Variants in TRERF1 observed in about 807,000 individuals in gnomAD.
The protein encoded by TRERF1 is transcriptional regulating factor 1.
TRERF1 carries 27 observed loss-of-function variants against 122.9 expected under a neutral mutation model. That is an observed-to-expected ratio of 0.22 (90% CI 0.16 to 0.30). TRERF1 has a LOEUF of 0.30. Among genes scored for constraint, TRERF1 ranks in the 10% least tolerant of loss-of-function variants. The probability of loss-of-function intolerance (pLI) is 1.00; values close to 1 mark genes in which losing one functional copy is unlikely to be tolerated. For synonymous variants in TRERF1, 636 were observed against 641.7 expected, an observed-to-expected ratio of 0.99 and a Z score of 0.13; for missense variants, 1,248 against 1,560.3, an observed-to-expected ratio of 0.80 and a Z score of 3.37.
chr6:42,293,650 C>T (rs1361409631), intron 4 of TRERF1, among the ~76,000 whole-genome samples: 3 of 152,044 alleles, frequency 2.0e-5, no homozygotes, highest in Non-Finnish European at 1.5e-5. Context: ...GTTCCGTGAA[C>T]ACAGATTATC....
At chr6:42,289,921 G>GT (rs1784010489) in intron 4 of TRERF1, among the ~76,000 whole-genome samples, 1 of 152,148 alleles carries the variant, frequency 6.6e-6, no homozygotes, top group Non-Finnish European at 1.5e-5. Context: ...ACTTATGGGG[G>GT]TACAGGAGGA....
chr6:42,266,766 T>C (rs934163133), intron 5 of TRERF1, among the ~76,000 whole-genome samples: 2 of 152,196 alleles, frequency 1.3e-5, no homozygotes, highest in Non-Finnish European at 2.9e-5. Flanking sequence ...TCAAATATTT[T>C]TGGGAACAAA....
intron 3 of TRERF1, among the ~76,000 whole-genome samples, chr6:42,305,756 G>A (rs1787098443): frequency 6.6e-6 from 1 of 152,102 alleles, no homozygotes; most frequent in African/African-American, 2.4e-5. Flanking sequence ...GGGGGAGGGG[G>A]ATGCAGGAAA....
rs146504230 is a variant in TRERF1 at position 42,306,972 on chromosome 6, T to C, written c.-370-6223A>G. On this transcript the variant is annotated intron_variant, in intron 3 of 17. Coordinates refer to ENST00000372922, the Ensembl canonical transcript of TRERF1. ...TGGAGCTTTAGAAACCAGGGATGCC[T>C]GGGTTTCACCTGGGCTCTTGTTGAA... Among the ~76,000 whole-genome samples the C allele has an allele frequency of 1.3e-3, 203 of 152,264 alleles. 1 individual carries two copies. The highest frequency in any genetic ancestry group is 3.9e-3 in the African/African-American group (160 of 41,552).
At chr6:42,423,250 A>G (rs1276037642) in intron 2 of TRERF1, among the ~76,000 whole-genome samples, 2 of 152,220 alleles carry the variant, frequency 1.3e-5, no homozygotes, top group African/African-American at 4.8e-5. Context: ...GTTCTCTCAT[A>G]CAAACATGTT....
At chr6:42,451,822 G>A (rs1432415570) in intron 1 of TRERF1, among the ~76,000 whole-genome samples, 1 of 151,764 alleles carries the variant, frequency 6.6e-6, no homozygotes, top group Admixed American at 6.6e-5. Flanking sequence ...TCCCTCCCCA[G>A]TGGAAATTTG....
chr6:42,319,629 CT>C (rs1330786501), intron 3 of TRERF1, among the ~76,000 whole-genome samples: 1 of 151,968 alleles, frequency 6.6e-6, no homozygotes, highest in Non-Finnish European at 1.5e-5. Context: ...CGAAACTAGG[CT>C]GAACAACATA....
At chr6:42,324,320 C>T (rs113301808) in intron 3 of TRERF1, among the ~76,000 whole-genome samples, 21,884 of 152,128 alleles carry the variant, frequency 0.14, 3,129 homozygotes, top group African/African-American at 0.37. Context: ...TTAAAATGTC[C>T]ATACTGCCTA....
Position 42,275,498 on chromosome 6 carries a change from G to A in TRERF1, c.-258-5650C>T, listed in dbSNP as rs1323593056. Among the ~76,000 whole-genome samples, 2 of 152,210 alleles carry A rather than the reference G, an allele frequency of 1.3e-5. No individual in the cohort carries two copies. Among genetic ancestry groups the A allele is most frequent in the East Asian group, 1.9e-4 (1 of 5,198 alleles). ...TGTCACAGTCAGGCGACCCACTTCCGTGCCTGTCTGCACACTGGCTGCCCA... is the reference window on the plus strand; with the variant it reads ...TGTCACAGTCAGGCGACCCACTTCCATGCCTGTCTGCACACTGGCTGCCCA... On this transcript the variant is annotated intron_variant, in intron 4 of 17. Transcript: ENST00000372922. The surrounding 1 kb of genome is among the most constrained non-coding windows in gnomAD (Gnocchi z 4.1).
At chr6:42,296,441 A>C (rs1016607317) in intron 4 of TRERF1, among the ~76,000 whole-genome samples, 6 of 152,208 alleles carry the variant, frequency 3.9e-5, no homozygotes, top group Admixed American at 3.3e-4. Flanking sequence ...ACCACCACTG[A>C]CCAAGCACTG....
chr6:42,307,733 G>A lies in TRERF1; in HGVS notation c.-370-6984C>T, dbSNP rs532337498. ...TCCGATCGCTATTACAACAGCACACGAAGTAACAATTCCAATTCCCTGATG... is the reference window on the plus strand; with the variant it reads ...TCCGATCGCTATTACAACAGCACACAAAGTAACAATTCCAATTCCCTGATG... On this transcript the variant is annotated intron_variant, in intron 3 of 17. Transcript: ENST00000372922. Among the ~76,000 whole-genome samples the A allele has an allele frequency of 2.0e-4, 30 of 151,452 alleles. No homozygotes were observed. The South Asian group carries it at 2.1e-3, about 11-fold the overall frequency.
rs1227546132 is a variant in TRERF1, at chr6:42,272,676, G to C, written c.-258-2828C>G. Among the ~76,000 whole-genome samples, 7 of 152,332 alleles carry C rather than the reference G, an allele frequency of 4.6e-5. No homozygotes were observed. In the South Asian group the frequency reaches 8.3e-4, roughly 18 times the overall value. On this transcript the variant is annotated intron_variant, in intron 4 of 17. Coordinates refer to ENST00000372922, the Ensembl canonical transcript of TRERF1. ...GAACTCAGAAGACAGTGAGCAGGGA[G>C]AGAGGGAGAAATAAGAGAAACATTC... is the stretch of plus-strand genomic sequence containing the variant.
At chr6:42,437,407 G>A (rs996428362) in intron 2 of TRERF1, among the ~76,000 whole-genome samples, 5 of 152,186 alleles carry the variant, frequency 3.3e-5, no homozygotes, top group African/African-American at 1.2e-4. Context: ...TGATTATGCA[G>A]AAGAGTAAAG....
At chr6:42,385,623 A>T (rs1260460090) in intron 2 of TRERF1, among the ~76,000 whole-genome samples, 1 of 152,166 alleles carries the variant, frequency 6.6e-6, no homozygotes, top group East Asian at 1.9e-4. Flanking sequence ...TCTAGAAGCC[A>T]CCTGAGAATC....
chr6:42,443,088 G>A (rs1407419135), intron 2 of TRERF1, among the ~76,000 whole-genome samples: 2 of 152,042 alleles, frequency 1.3e-5, no homozygotes, highest in African/African-American at 2.4e-5. Flanking sequence ...CTGATTTTTC[G>A]TTGATTTCTT....
chr6:42,274,522 T>A (rs1042345641), intron 4 of TRERF1, among the ~76,000 whole-genome samples: 1 of 151,242 alleles, frequency 6.6e-6, no homozygotes, highest in South Asian at 2.1e-4. Flanking sequence ...TAAAAAAAAA[T>A]ACAAAAATTA....
intron 3 of TRERF1, among the ~76,000 whole-genome samples, chr6:42,322,802 A>C (rs1763662254): frequency 6.6e-6 from 1 of 152,130 alleles, no homozygotes; most frequent in African/African-American, 2.4e-5. Flanking sequence ...AAAACTGATG[A>C]GGCTGAGAGG....
chr6:42,315,894 G>C (rs1249906869), intron 3 of TRERF1, among the ~76,000 whole-genome samples: 1 of 152,032 alleles, frequency 6.6e-6, no homozygotes, highest in Non-Finnish European at 1.5e-5. Flanking sequence ...GGGTGGGGGT[G>C]CTCTCCTTTC....
intron 4 of TRERF1, among the ~76,000 whole-genome samples, chr6:42,282,566 A>G (rs1782482629): frequency 6.6e-6 from 1 of 152,090 alleles, no homozygotes; most frequent in Admixed American, 6.5e-5. Flanking sequence ...AAACAAACAA[A>G]CCGAACCAAA....
Sources: allele counts gnomAD v4.1 joint callset (sites outside exome capture counted in the v4.1 genomes callset), GRCh38; gene constraint gnomAD v4.1.1; non-coding constraint Gnocchi (gnomAD v3.1); transcripts MANE v1.5; gene names NCBI Gene and HGNC (gene_info 2026-07-23, HGNC 2026-07-21).